The following ELOVL6 variants were observed in gnomAD, a reference collection of about 807,000 sequenced individuals.
ELOVL6 encodes the protein ELOVL fatty acid elongase 6, also known as very long chain fatty acid elongase 6.
In ELOVL6, 8 loss-of-function variants were observed where a neutral mutation model predicts 31.7. That is an observed-to-expected ratio of 0.25 (90% CI 0.15 to 0.45). The LOEUF (loss-of-function observed/expected upper bound fraction) is 0.45. Ranked by LOEUF, ELOVL6 falls within the 20% of genes least tolerant of loss-of-function variation. ELOVL6 has a pLI of 1.00. For synonymous variants in ELOVL6, 101 were observed against 117.7 expected, an observed-to-expected ratio of 0.86 and a Z score of 0.92; for missense variants, 126 against 326.4, an observed-to-expected ratio of 0.39 and a Z score of 4.73.
chr4:110,072,145 A>T (rs566298299), intron 2 of ELOVL6, among the ~76,000 whole-genome samples: 1 of 152,296 alleles, frequency 6.6e-6, no homozygotes, highest in South Asian at 2.1e-4. Context: ...CAGAACATTG[A>T]GTCTGCCAGC....
At chr4:110,196,369 C>G (rs1337539805) in intron 1 of ELOVL6, among the ~76,000 whole-genome samples, 1 of 152,156 alleles carries the variant, frequency 6.6e-6, no homozygotes, top group African/African-American at 2.4e-5. Flanking sequence ...CGGAGAAGAC[C>G]CGGGCCCGGG....
At chr4:110,122,566 T>A (rs955394653) in intron 1 of ELOVL6, among the ~76,000 whole-genome samples, 1 of 152,136 alleles carries the variant, frequency 6.6e-6, no homozygotes, top group Non-Finnish European at 1.5e-5. Context: ...TTTGTAGAGA[T>A]GAAGCTTCAC....
chr4:110,138,297 T>C (rs540962505), intron 1 of ELOVL6, among the ~76,000 whole-genome samples: 3 of 152,332 alleles, frequency 2.0e-5, no homozygotes, highest in Admixed American at 2.0e-4. Flanking sequence ...TAAAGTTCTA[T>C]ACACCTCATT....
Position 110,049,816 on chromosome 4 carries a change from G to A in ELOVL6, c.*1522C>T, listed in dbSNP as rs1051627408. 5.3e-5 allele frequency: 8 copies of A among 150,430 alleles called. No individual in the cohort carries two copies. The highest frequency in any genetic ancestry group is 1.0e-4 in the Non-Finnish European group (7 of 67,748). 9.3% of individuals were successfully genotyped at this position (150,430 alleles called of 1,614,324 possible). On this transcript the variant is annotated 3_prime_UTR_variant, in exon 4 of 4. Transcript: ENST00000302274. Reference sequence around the variant, plus strand: ...AACAACTTTACATAATTGCTTCTTTGAAATACTAGAAACATTGACACATGT... The same window carrying A: ...AACAACTTTACATAATTGCTTCTTTAAAATACTAGAAACATTGACACATGT...
chr4:110,194,016 C>A (rs1006132752), intron 1 of ELOVL6, among the ~76,000 whole-genome samples: 1 of 152,218 alleles, frequency 6.6e-6, no homozygotes, highest in Non-Finnish European at 1.5e-5. Flanking sequence ...TAGACAATTA[C>A]AACTGGAGCA....
At position 110,084,364 on chromosome 4, in the gene ELOVL6, TATATG is replaced by T. The variant is rs1159364525; in HGVS notation, c.221+21128_221+21132del. Among the ~76,000 whole-genome samples the T allele has an allele frequency of 1.8e-4, 9 of 50,610 alleles. 1 individual carries two copies. The East Asian group carries it at 3.1e-3, about 17-fold the overall frequency. 33.2% of individuals were successfully genotyped at this position (50,610 alleles called of 152,430 possible). A position where few individuals can be genotyped will look rare whatever the true frequency, so the allele number is the denominator to read the frequency against. ...TATATGATATATGATATATACCGCATATATGATATATGATATATATCGCATATATG... is the reference window on the plus strand; with the variant it reads ...TATATGATATATGATATATACCGCATATATATGATATATATCGCATATATG... On this transcript the variant is annotated intron_variant, in intron 2 of 3. Coordinates refer to ENST00000302274, the MANE Select transcript of ELOVL6 (RefSeq NM_024090.3).
intron 1 of ELOVL6, among the ~76,000 whole-genome samples, chr4:110,197,045 G>A (rs1759824109): frequency 6.6e-6 from 1 of 152,234 alleles, no homozygotes; most frequent in African/African-American, 2.4e-5. Flanking sequence ...CGGCGTTTCT[G>A]GTTTCCAGTT....
At chr4:110,142,999 C>T (rs1758006460) in intron 1 of ELOVL6, among the ~76,000 whole-genome samples, 1 of 152,138 alleles carries the variant, frequency 6.6e-6, no homozygotes, top group African/African-American at 2.4e-5. Context: ...TTCCACAGAT[C>T]CTTAAATCTA....
intron 2 of ELOVL6, among the ~76,000 whole-genome samples, chr4:110,084,457 A>G (rs565820273): frequency 3.2e-5 from 4 of 124,848 alleles, no homozygotes; most frequent in South Asian, 2.3e-4. Flanking sequence ...CGCATATATC[A>G]TATATGATAT....
intron 2 of ELOVL6, among the ~76,000 whole-genome samples, chr4:110,095,342 C>T (rs976614150): frequency 1.3e-5 from 2 of 151,976 alleles, no homozygotes; most frequent in South Asian, 2.1e-4. Flanking sequence ...ATTAGCTGGG[C>T]GTGGTGGCAC....
At chr4:110,074,076 A>G (rs996121027) in intron 2 of ELOVL6, among the ~76,000 whole-genome samples, 1 of 152,178 alleles carries the variant, frequency 6.6e-6, no homozygotes, top group African/African-American at 2.4e-5. Context: ...AACCAACAGA[A>G]TTGCAGACAG....
intron 1 of ELOVL6, among the ~76,000 whole-genome samples, chr4:110,140,748 G>A (rs79287972): frequency 0.02 from 2,977 of 150,910 alleles, 125 homozygotes; most frequent in East Asian, 0.18. Flanking sequence ...GCAACCAAGG[G>A]TCATTTTTTA....
chr4:110,155,701 A>T (rs992814759), intron 1 of ELOVL6, among the ~76,000 whole-genome samples: 1 of 152,116 alleles, frequency 6.6e-6, no homozygotes, highest in Non-Finnish European at 1.5e-5. Context: ...TTGCAGGTAC[A>T]TTTAAAATAA....
chr4:110,086,948 G>T (rs534200077), intron 2 of ELOVL6, among the ~76,000 whole-genome samples: 1 of 152,152 alleles, frequency 6.6e-6, no homozygotes, highest in Admixed American at 6.5e-5. Flanking sequence ...TCCTATAATA[G>T]TATTTCCTTT....
At chr4:110,154,514 C>G (rs1758362376) in intron 1 of ELOVL6, among the ~76,000 whole-genome samples, 1 of 152,198 alleles carries the variant, frequency 6.6e-6, no homozygotes, top group Non-Finnish European at 1.5e-5. Flanking sequence ...CTTGGCCTCC[C>G]AAAGAGCTGG....
At chr4:110,099,361 T>A (rs1756678619) in intron 2 of ELOVL6, among the ~76,000 whole-genome samples, 1 of 152,174 alleles carries the variant, frequency 6.6e-6, no homozygotes, top group Non-Finnish European at 1.5e-5. Context: ...TTGAATATAT[T>A]TCATACTTAA....
In ELOVL6 at chr4:110,046,322, G is replaced by T. The variant is rs767875869; in HGVS notation, c.*5016C>A. 8 of 152,182 alleles carry T rather than the reference G, an allele frequency of 5.3e-5. No individual in the cohort carries two copies. The highest frequency in any genetic ancestry group is 1.0e-4 in the Non-Finnish European group (7 of 68,044). The allele number at this position is 152,182 out of a possible 1,614,324, so 9.4% of individuals were successfully genotyped here. ...GTTATTAATTTAACCAGTTACTTCA[G>T]AAGAGGTTACTACAATGCAGTGTTG... On this transcript the variant is annotated 3_prime_UTR_variant, in exon 4 of 4. Coordinates refer to ENST00000302274, the MANE Select transcript of ELOVL6 (RefSeq NM_024090.3).
At chr4:110,089,506 C>T (rs1756361349) in intron 2 of ELOVL6, among the ~76,000 whole-genome samples, 2 of 152,246 alleles carry the variant, frequency 1.3e-5, no homozygotes, top group South Asian at 2.1e-4. Flanking sequence ...ACTGTACATA[C>T]AGACAGCTTA....
chr4:110,114,572 A>T (rs1757124546), intron 1 of ELOVL6, among the ~76,000 whole-genome samples: 1 of 152,144 alleles, frequency 6.6e-6, no homozygotes, highest in African/African-American at 2.4e-5. Context: ...GGGCTTCTTT[A>T]AAAACTGACC....
Sources: gnomAD v4.1 joint callset for allele counts (sites outside exome capture counted in the v4.1 genomes callset) on GRCh38, gnomAD v4.1.1 for gene constraint, MANE v1.5 for transcripts, NCBI Gene and HGNC (gene_info 2026-07-23, HGNC 2026-07-21) for gene names.